ZNF638: variants seen among roughly 807,000 people sequenced by gnomAD.
The protein encoded by ZNF638 is zinc finger protein 638, also known as CTCL tumor antigen se33-1.
A neutral mutation model predicts 195.6 loss-of-function variants in ZNF638; 46 were observed. The ratio of observed to expected loss-of-function variants is 0.24; its 90% CI spans 0.19 to 0.30. The LOEUF is 0.30. ZNF638 is among the 10% of genes least tolerant of loss of function. The pLI is 1.00. For missense variants in ZNF638, 2,440 were observed against 2,325.3 expected (o/e 1.05, Z -1.01); for synonymous variants, 845 against 772.0 (o/e 1.09, Z -1.57).
In ZNF638 at chr2:71,431,333, A is replaced by G. The variant is rs750176604; in HGVS notation, c.5657A>G (p.Glu1886Gly). 6.2e-7 allele frequency: 1 copy of G among 1,610,978 alleles called. No individual in the cohort carries two copies. The highest frequency in any genetic ancestry group is 8.5e-7 in the Non-Finnish European group (1 of 1,178,142). Residue 1886 changes from glutamate (E) to glycine (G), a missense_variant, in exon 26 of 28, where the codon GAG (glutamate) becomes GGG (glycine). This residue lies in a region of ZNF638 where 1,883 missense variants were observed against 1,739.1 expected (regional missense o/e 1.08). Transcript: ENST00000264447. ...TTTCCTCGAAAAATTTTAGTTGATGAGGAATCTGGATTAAAGGATTCAGAA... is the reference window on the plus strand; with the variant it reads ...TTTCCTCGAAAAATTTTAGTTGATGGGGAATCTGGATTAAAGGATTCAGAA... Reference protein sequence around the residue: ...EEAFQMSEVDEESGLKDSEPE... With the variant: ...EEAFQMSEVDGESGLKDSEPE...
chr2:71,408,319 T>G, intron 20 of ZNF638, 72 bp downstream of exon 20: 1 of 1,505,150 alleles, frequency 6.6e-7, no homozygotes, highest in Non-Finnish European at 8.9e-7. Flanking sequence ...TCTCAGGTAG[T>G]AGTCAAACTG....
intron 10 of ZNF638, chr2:71,388,442 T>G: frequency 1.5e-6 from 1 of 685,518 alleles, no homozygotes; most frequent in Non-Finnish European, 2.7e-6. Context: ...GGGCAACAAC[T>G]ACCCACAGAT....
intron 20 of ZNF638, chr2:71,408,825 G>A (rs1297915679): frequency 3.0e-6 from 1 of 338,722 alleles, no homozygotes; most frequent in Non-Finnish European, 5.9e-6. Flanking sequence ...TTGTCAATCT[G>A]TTAAAAATCT....
intron 3 of ZNF638, 100 bp downstream of exon 3, chr2:71,355,880 A>G: frequency 1.7e-6 from 1 of 578,312 alleles, no homozygotes; most frequent in Non-Finnish European, 2.8e-6. Flanking sequence ...CTTTGGAGAA[A>G]AATATTTTTG....
chr2:71,401,232 A>G (rs1349558829), intron 15 of ZNF638, among the ~76,000 whole-genome samples: 1 of 152,076 alleles, frequency 6.6e-6, no homozygotes, highest in Non-Finnish European at 1.5e-5. Context: ...TGCCAAGTTG[A>G]CTATAGCACA....
chr2:71,388,357 T>A, intron 10 of ZNF638: 1 of 571,840 alleles, frequency 1.7e-6, no homozygotes, highest in Non-Finnish European at 3.2e-6. Flanking sequence ...CCTTTGATCA[T>A]CTGACCTTTG....
At chr2:71,368,248 A>G in intron 6 of ZNF638, 134 bp from the exon 7 acceptor site, 1 of 763,682 alleles carries the variant, frequency 1.3e-6, no homozygotes, top group Non-Finnish European at 1.9e-6. Context: ...AGGAAAAAGA[A>G]AAATGGGTAA....
chr2:71,397,604 C>G (rs947628964), intron 11 of ZNF638, among the ~76,000 whole-genome samples: 1 of 152,158 alleles, frequency 6.6e-6, no homozygotes, highest in Non-Finnish European at 1.5e-5. Flanking sequence ...CAAATCTGTT[C>G]GTGCCCCAAA....
chr2:71,408,026 A>G (rs945789959), intron 19 of ZNF638, 96 bp from the exon 20 acceptor site: 69 of 1,110,110 alleles, frequency 6.2e-5, no homozygotes, highest in Non-Finnish European at 8.0e-5. Context: ...CATTCCTTTT[A>G]GGTGTATACT....
At chr2:71,382,751 T>C (rs985764108) in intron 10 of ZNF638, among the ~76,000 whole-genome samples, 29 of 152,122 alleles carry the variant, frequency 1.9e-4, no homozygotes, top group Admixed American at 5.9e-4. Context: ...TTAAATAATA[T>C]GAGTTTTAGA....
At chr2:71,396,887 C>T (rs1384719208) in intron 11 of ZNF638, among the ~76,000 whole-genome samples, 1 of 152,168 alleles carries the variant, frequency 6.6e-6, no homozygotes, top group African/African-American at 2.4e-5. Context: ...GTGGAAGTTG[C>T]AGTGAGCTGA....
rs2078900733 is a variant in ZNF638, at chr2:71,349,090, G to A, written c.136G>A (p.Gly46Arg). The A allele has an allele frequency of 6.2e-7, 1 of 1,614,100 alleles. No individual in the cohort carries two copies. Among genetic ancestry groups the A allele is most frequent in the South Asian group, 1.1e-5 (1 of 91,084 alleles). The part of the protein sequence containing the change: ...SMGLPRFYPA[G>R]RARGIPHRFA... ...GGGTCTCCCAAGATTTTACCCAGCA[G>A]GGAGAGCACGTGGAATTCCACACAG... Residue 46 changes from glycine to arginine, a missense_variant, in exon 2 of 28, where the codon GGG becomes AGG. By Grantham distance (125) the Gly-to-Arg change is moderately radical (BLOSUM62 -2). Around this residue, in one of 5 missense-constraint regions of ZNF638, gnomAD observed 191 missense variants for 173.8 expected, o/e 1.10. Coordinates refer to ENST00000264447, the MANE Select transcript of ZNF638 (RefSeq NM_014497.5).
At chr2:71,351,219 G>A (rs187187951) in intron 2 of ZNF638, among the ~76,000 whole-genome samples, 3 of 152,074 alleles carry the variant, frequency 2.0e-5, no homozygotes, top group Non-Finnish European at 2.9e-5. Context: ...GTGTGTTAAC[G>A]CTCTTGTTCT....
intron 8 of ZNF638, chr2:71,375,061 T>A (rs2079395907): frequency 6.6e-6 from 1 of 152,240 alleles, no homozygotes; most frequent in South Asian, 2.1e-4. Flanking sequence ...CATATAGCTA[T>A]TAGAGAGGAT....
At chr2:71,402,992 A>G (rs928600398) in intron 16 of ZNF638, among the ~76,000 whole-genome samples, 2 of 152,186 alleles carry the variant, frequency 1.3e-5, no homozygotes, top group African/African-American at 4.8e-5. Context: ...ATGATCGCAG[A>G]GCTCAGTAAA....
Position 71,403,962 on chromosome 2 carries a change from A to G in ZNF638, c.2922A>G (p.Ile974Met). Residue 974 changes from isoleucine to methionine, a missense_variant, in exon 17 of 28, where the codon ATA (isoleucine) becomes ATG (methionine). Physicochemically the swap from Ile to Met is conservative, Grantham distance 10 (BLOSUM62 1). Coordinates refer to ENST00000264447, the MANE Select transcript of ZNF638 (RefSeq NM_014497.5). Reference sequence around the variant, plus strand: ...TGATGGATGGAAATCAACTCTCAATAAGTATGGCTCCTGAAAACATGAATA... The same window carrying G: ...TGATGGATGGAAATCAACTCTCAATGAGTATGGCTCCTGAAAACATGAATA... The part of the protein sequence containing the change: ...PVLMDGNQLS[I>M]SMAPENMNIK... 6.2e-7 allele frequency: 1 copy of G among 1,613,026 alleles called. No homozygotes were observed. The highest frequency in any genetic ancestry group is 8.5e-7 in the Non-Finnish European group (1 of 1,179,358).
intron 20 of ZNF638, chr2:71,418,376 AT>A (rs1403388318): frequency 5.8e-6 from 2 of 345,158 alleles, no homozygotes; most frequent in East Asian, 4.4e-5. Flanking sequence ...AAGGAAACTT[AT>A]TTTTTCATTA....
rs371148887 is a variant in ZNF638 at position 71,427,708 on chromosome 2, TGTG to T, written c.5545+296_5545+298del. Among the ~76,000 whole-genome samples, 567 of 152,304 alleles carry T rather than the reference TGTG, an allele frequency of 3.7e-3. 2 individuals are homozygous for T. Among genetic ancestry groups the T allele is most frequent in the African/African-American group, 0.013 (536 of 41,554 alleles). On this transcript the variant is annotated intron_variant, in intron 24 of 27. Transcript: ENST00000264447. ...TGGAATGAAAATGATATATTTGTAT[TGTG>T]GGAAAAAGACAACTTTTGATAAATA...
chr2:71,390,692 G>A (rs913191058), intron 10 of ZNF638, among the ~76,000 whole-genome samples: 5 of 152,178 alleles, frequency 3.3e-5, no homozygotes, highest in Non-Finnish European at 7.4e-5. Flanking sequence ...CTTAAAAATC[G>A]GAAATAAGAA....
Sources: gnomAD v4.1 joint callset for allele counts (sites outside exome capture counted in the v4.1 genomes callset) on GRCh38, gnomAD v4.1.1 for gene constraint, gnomAD v4.1.1 regional missense constraint, MANE v1.5 for transcripts, NCBI Gene and HGNC (gene_info 2026-07-23, HGNC 2026-07-21) for gene names.